GON4L: variants seen among roughly 807,000 people sequenced by gnomAD.
GON4L encodes GON-4-like protein.
Under a neutral mutation model 211.8 loss-of-function variants are expected in GON4L, and 87 were observed. That is an observed-to-expected ratio of 0.41 (90% confidence interval 0.35 to 0.49). The LOEUF is 0.49. Among genes scored for constraint, GON4L ranks in the 20% least tolerant of loss-of-function variants. The probability of loss-of-function intolerance (pLI) is 0.15; values close to 1 mark genes in which losing one functional copy is unlikely to be tolerated. For missense variants in GON4L, 2,155 were observed against 2,659.5 expected, an observed-to-expected ratio of 0.81 and a Z score of 4.17; for synonymous variants, 875 against 962.6, an observed-to-expected ratio of 0.91 and a Z score of 1.68.
At chr1:155,797,392 A>G (rs1480628747) in intron 11 of GON4L, among the ~76,000 whole-genome samples, 1 of 151,842 alleles carries the variant, frequency 6.6e-6, no homozygotes, top group Non-Finnish European at 1.5e-5. Context: ...CTGGGATTAC[A>G]GGCGTGAGCC....
chr1:155,751,027 G>C (rs1320031116), intron 31 of GON4L, among the ~76,000 whole-genome samples: 1 of 152,168 alleles, frequency 6.6e-6, no homozygotes, highest in Non-Finnish European at 1.5e-5. Flanking sequence ...GCCTCCCAAA[G>C]TGTTGGGATT....
intron 24 of GON4L, among the ~76,000 whole-genome samples, chr1:155,759,587 A>ATT (rs538564767): frequency 1.3e-5 from 2 of 148,488 alleles, no homozygotes; most frequent in Non-Finnish European, 3.0e-5. Flanking sequence ...AAAAAAAAAA[A>ATT]TTTTTTTTTT....
intron 2 of GON4L, among the ~76,000 whole-genome samples, chr1:155,842,573 C>T (rs577554686): frequency 4.1e-5 from 6 of 146,962 alleles, no homozygotes; most frequent in African/African-American, 1.5e-4. Context: ...GCCAGTGGCT[C>T]ATACCCATAA....
chr1:155,815,045 T>C (rs1668117506), intron 8 of GON4L, among the ~76,000 whole-genome samples: 2 of 151,756 alleles, frequency 1.3e-5, no homozygotes, highest in Admixed American at 1.3e-4. Context: ...ACCCGGGAGA[T>C]GGAGATGGCA....
chr1:155,856,594 C>G (rs1461679059), intron 1 of GON4L, among the ~76,000 whole-genome samples: 1 of 152,078 alleles, frequency 6.6e-6, no homozygotes, highest in Non-Finnish European at 1.5e-5. Flanking sequence ...GATTCTCCAT[C>G]CCCTCAATCA....
intron 2 of GON4L, among the ~76,000 whole-genome samples, chr1:155,832,003 C>T (rs1669824211): frequency 6.6e-6 from 1 of 152,238 alleles, no homozygotes; most frequent in South Asian, 2.1e-4. Context: ...AATCACACCA[C>T]TGCACTCCAG....
intron 2 of GON4L, among the ~76,000 whole-genome samples, chr1:155,841,104 A>G (rs979448638): frequency 1.3e-5 from 2 of 152,246 alleles, no homozygotes; most frequent in African/African-American, 4.8e-5. Flanking sequence ...TTTTGCCTCT[A>G]TATGAATTAA....
chr1:155,763,017 CAG>C (rs1662003949), intron 22 of GON4L, among the ~76,000 whole-genome samples: 1 of 148,928 alleles, frequency 6.7e-6, no homozygotes, highest in Admixed American at 6.7e-5. Flanking sequence ...GCCTGGGCGA[CAG>C]AGCAAGACTC....
intron 6 of GON4L, among the ~76,000 whole-genome samples, chr1:155,818,685 T>A (rs1002965152): frequency 6.6e-6 from 1 of 152,152 alleles, no homozygotes; most frequent in Admixed American, 6.6e-5. Flanking sequence ...TCTGGTTCAG[T>A]AGAGTCTTCT....
At position 155,805,144 on chromosome 1, in the gene GON4L, G is replaced by A; in HGVS notation, c.1453-3C>T. On this transcript the variant is annotated splice_polypyrimidine_tract_variant and splice_region_variant and intron_variant, in intron 10 of 31. Coordinates refer to ENST00000368331, the MANE Select transcript of GON4L (RefSeq NM_001282860.2). ...GCAATGAGACTGTCATCCATGGGCT[G>A]GACAATGGAGAAAGAAAAGTCACTG... 1.2e-6 allele frequency: 2 copies of A among 1,605,486 alleles called. No individual in the cohort carries two copies. Among genetic ancestry groups the A allele is most frequent in the South Asian group, 2.2e-5 (2 of 90,892 alleles).
At chr1:155,760,193 A>G (rs1661646771) in intron 24 of GON4L, among the ~76,000 whole-genome samples, 1 of 152,026 alleles carries the variant, frequency 6.6e-6, no homozygotes, top group Admixed American at 6.6e-5. Flanking sequence ...AGCAGAGAGC[A>G]TATGACTCAC....
At chr1:155,770,223 A>AAAAAC (rs1195194997) in intron 19 of GON4L, among the ~76,000 whole-genome samples, 3 of 152,110 alleles carry the variant, frequency 2.0e-5, no homozygotes, top group East Asian at 3.9e-4. Context: ...AGAAAAAAAC[A>AAAAAC]AAAACAAAAC....
At chr1:155,798,720 C>CA (rs1387718614) in intron 11 of GON4L, among the ~76,000 whole-genome samples, 1 of 151,142 alleles carries the variant, frequency 6.6e-6, no homozygotes, top group East Asian at 1.9e-4. Flanking sequence ...TGCGCCTGAT[C>CA]AAAAAGTTCT....
At chr1:155,827,699 CA>C (rs35834212) in intron 2 of GON4L, among the ~76,000 whole-genome samples, 41,149 of 146,190 alleles carry the variant, frequency 0.28, 6,354 homozygotes, top group East Asian at 0.69. Context: ...CACACACACA[CA>C]AAAAAAAAAG....
intron 1 of GON4L, among the ~76,000 whole-genome samples, chr1:155,856,707 T>G (rs1214779435): frequency 6.6e-6 from 1 of 150,834 alleles, no homozygotes; most frequent in African/African-American, 2.4e-5. Flanking sequence ...AGAATGGGAG[T>G]AGCCAGGGCA....
chr1:155,852,549 G>A (rs1168620529), intron 2 of GON4L, among the ~76,000 whole-genome samples: 1 of 151,244 alleles, frequency 6.6e-6, no homozygotes, highest in Admixed American at 6.6e-5. Context: ...AGACCATCCT[G>A]GCTAACACAG....
intron 2 of GON4L, among the ~76,000 whole-genome samples, chr1:155,843,381 T>C (rs766445613): frequency 1.3e-5 from 2 of 151,910 alleles, no homozygotes; most frequent in African/African-American, 2.4e-5. Flanking sequence ...TCCCCAAACC[T>C]CCTAATTGGC....
chr1:155,853,666 C>A lies in GON4L; in HGVS notation c.115G>T (p.Val39Phe). 1 of 1,613,918 alleles carries A rather than the reference C, an allele frequency of 6.2e-7. No homozygotes were observed. The highest frequency in any genetic ancestry group is 8.5e-7 in the Non-Finnish European group (1 of 1,179,790). The change falls in exon 2 of 32, where the codon GTT becomes TTT. Residue 39 changes from valine to phenylalanine, a missense_variant. Around this residue, in one of 6 missense-constraint regions of GON4L, gnomAD observed 313 missense variants for 293.2 expected, o/e 1.07. Transcript: ENST00000368331. ...AGTGACACCGAACTCAAGTCCTTAA[C>A]CTGGTCAGATTCTGGTTTAACGGCT... The part of the protein sequence containing the change: ...ESAVKPESDQ[V>F]KDLSSVSLSW...
intron 24 of GON4L, among the ~76,000 whole-genome samples, chr1:155,759,974 T>G (rs951388331): frequency 4.1e-5 from 6 of 146,986 alleles, no homozygotes; most frequent in African/African-American, 1.5e-4. Flanking sequence ...ATTATATATA[T>G]ATATATATGA....
Sources: allele counts gnomAD v4.1 joint callset (sites outside exome capture counted in the v4.1 genomes callset), GRCh38; gene constraint gnomAD v4.1.1; regional missense constraint gnomAD v4.1.1; transcripts MANE v1.5; gene names NCBI Gene and HGNC (gene_info 2026-07-23, HGNC 2026-07-21).